ITGBL1: variants seen among roughly 807,000 people sequenced by gnomAD.
ITGBL1 encodes integrin subunit beta like 1.
A neutral mutation model predicts 68.5 loss-of-function variants in ITGBL1; 51 were observed. The ratio of observed to expected loss-of-function variants is 0.74; its 90% CI spans 0.59 to 0.94. The LOEUF (loss-of-function observed/expected upper bound fraction) is 0.94, where lower values mean the gene tolerates loss of function less well. Among genes scored for constraint, ITGBL1 ranks in the 40% least tolerant of loss-of-function variants. The probability of loss-of-function intolerance (pLI) is 0.00; values close to 1 mark genes in which losing one functional copy is unlikely to be tolerated. For synonymous variants in ITGBL1, 209 were observed against 227.3 expected (o/e 0.92, Z 0.72); for missense variants, 649 against 647.4 (o/e 1.00, Z -0.03).
chr13:101,561,169 G>A (rs532340768), intron 2 of ITGBL1, among the ~76,000 whole-genome samples: 2 of 152,252 alleles, frequency 1.3e-5, no homozygotes, highest in African/African-American at 2.4e-5. Flanking sequence ...CCTCGTGAAT[G>A]AGCATGAAGC....
intron 2 of ITGBL1, among the ~76,000 whole-genome samples, chr13:101,477,044 C>T (rs113800239): frequency 0.02 from 2,998 of 152,188 alleles, 98 homozygotes; most frequent in African/African-American, 0.068. Context: ...AGTGCACATG[C>T]TTCTCCTCTG....
intron 2 of ITGBL1, among the ~76,000 whole-genome samples, chr13:101,507,037 C>T (rs1364812293): frequency 6.6e-6 from 1 of 152,106 alleles, no homozygotes; most frequent in African/African-American, 2.4e-5. Context: ...AACCTGGTTG[C>T]TGAGGTGAAG....
At chr13:101,649,663 T>A (rs941403276) in intron 7 of ITGBL1, among the ~76,000 whole-genome samples, 14 of 152,208 alleles carry the variant, frequency 9.2e-5, no homozygotes, top group Non-Finnish European at 2.9e-5. Context: ...GATTTCTCAA[T>A]TGTATTGCTC....
At chr13:101,573,709 A>G (rs932356811) in intron 3 of ITGBL1, among the ~76,000 whole-genome samples, 1 of 152,156 alleles carries the variant, frequency 6.6e-6, no homozygotes, top group African/African-American at 2.4e-5. Flanking sequence ...ATGCCTTTAA[A>G]AATGCATAGC....
chr13:101,650,374 G>A (rs1278623055), intron 7 of ITGBL1, among the ~76,000 whole-genome samples: 3 of 152,010 alleles, frequency 2.0e-5, no homozygotes, highest in Middle Eastern at 3.4e-3. Flanking sequence ...GTAAATACTT[G>A]AATGTTTGTA....
chr13:101,471,548 G>C (rs55697316), intron 2 of ITGBL1, among the ~76,000 whole-genome samples: 1 of 140,494 alleles, frequency 7.1e-6, no homozygotes, highest in Non-Finnish European at 1.6e-5. Context: ...GTGTGTGTGT[G>C]TGTGTGTGTG....
intron 7 of ITGBL1, among the ~76,000 whole-genome samples, chr13:101,686,495 G>A (rs1017643214): frequency 4.0e-5 from 6 of 151,148 alleles, no homozygotes; most frequent in African/African-American, 1.5e-4. Context: ...CCAGAGCAGA[G>A]GTTTTACTTC....
intron 8 of ITGBL1, among the ~76,000 whole-genome samples, chr13:101,695,245 T>C (rs929272700): frequency 7.9e-5 from 12 of 152,116 alleles, no homozygotes; most frequent in Admixed American, 7.2e-4. Context: ...TTGGTAGTAA[T>C]AGGATACATG....
chr13:101,500,984 C>G (rs57323526), intron 2 of ITGBL1, among the ~76,000 whole-genome samples: 8,814 of 152,154 alleles, frequency 0.058, 598 homozygotes, highest in African/African-American at 0.16. Context: ...TTCCTCCTGA[C>G]AGTAAATGAA....
At chr13:101,650,352 T>A (rs534881879) in intron 7 of ITGBL1, among the ~76,000 whole-genome samples, 2 of 152,296 alleles carry the variant, frequency 1.3e-5, no homozygotes, top group African/African-American at 2.4e-5. Flanking sequence ...TTTTTTTTTC[T>A]TGTACCTTAT....
At chr13:101,576,723 C>T (rs75038902) in intron 4 of ITGBL1, among the ~76,000 whole-genome samples, 2,166 of 152,192 alleles carry the variant, frequency 0.014, 48 homozygotes, top group African/African-American at 0.049. Context: ...TTATTTTAGG[C>T]CTGATTGGCC....
At chr13:101,463,402 C>G (rs2048342394) in intron 2 of ITGBL1, among the ~76,000 whole-genome samples, 1 of 152,118 alleles carries the variant, frequency 6.6e-6, no homozygotes, top group South Asian at 2.1e-4. Flanking sequence ...GCACTGCCAG[C>G]CGTCTGAGTC....
At chr13:101,672,716 C>T (rs932462518) in intron 7 of ITGBL1, among the ~76,000 whole-genome samples, 5 of 152,198 alleles carry the variant, frequency 3.3e-5, no homozygotes, top group Admixed American at 3.3e-4. Context: ...TTTCAGATAC[C>T]TCTCTCTGGC....
intron 2 of ITGBL1, among the ~76,000 whole-genome samples, chr13:101,503,772 T>C: frequency 6.6e-6 from 1 of 152,188 alleles, no homozygotes; most frequent in East Asian, 1.9e-4. Flanking sequence ...ATGGTAGACT[T>C]GAGACTTTCC....
At chr13:101,622,911 A>ATGTG (rs756971096) in intron 7 of ITGBL1, among the ~76,000 whole-genome samples, 9,933 of 114,914 alleles carry the variant, frequency 0.086, 421 homozygotes, top group Non-Finnish European at 0.11. Context: ...TGTGTGGGGT[A>ATGTG]TGTATGTGTG....
intron 2 of ITGBL1, among the ~76,000 whole-genome samples, chr13:101,530,696 T>G (rs985170667): frequency 6.6e-6 from 1 of 152,248 alleles, no homozygotes; most frequent in Non-Finnish European, 1.5e-5. Context: ...AATTTACATA[T>G]GTAGCCTTTA....
chr13:101,482,980 C>T (rs1174026832), intron 2 of ITGBL1, among the ~76,000 whole-genome samples: 2 of 152,172 alleles, frequency 1.3e-5, no homozygotes, highest in African/African-American at 4.8e-5. Flanking sequence ...AGTCCTCCAG[C>T]TTCCGATGCT....
chr13:101,505,093 C>T (rs2049006358), intron 2 of ITGBL1, among the ~76,000 whole-genome samples: 1 of 149,594 alleles, frequency 6.7e-6, no homozygotes, highest in Non-Finnish European at 1.5e-5. Context: ...TTATTATAAA[C>T]ATTTAAAGCT....
intron 2 of ITGBL1, among the ~76,000 whole-genome samples, chr13:101,493,467 G>T (rs1259783416): frequency 6.6e-6 from 1 of 152,010 alleles, no homozygotes; most frequent in African/African-American, 2.4e-5. Context: ...ATTACATTTT[G>T]CACTCACTTT....
Sources: gnomAD v4.1 joint callset for allele counts (sites outside exome capture counted in the v4.1 genomes callset) on GRCh38, gnomAD v4.1.1 for gene constraint, MANE v1.5 for transcripts, NCBI Gene and HGNC (gene_info 2026-07-23, HGNC 2026-07-21) for gene names.